Variants in SESN3 observed in about 807,000 individuals in gnomAD.
SESN3 encodes the protein sestrin 3.
Under a neutral mutation model 55.3 loss-of-function variants are expected in SESN3, and 21 were observed. That is an observed-to-expected ratio of 0.38 (90% CI 0.27 to 0.55). The LOEUF (loss-of-function observed/expected upper bound fraction) is 0.55, where lower values mean the gene tolerates loss of function less well. Among genes scored for constraint, SESN3 ranks in the 20% least tolerant of loss-of-function variants. The pLI, the probability that SESN3 is intolerant of heterozygous loss-of-function variation, is 0.76. For synonymous variants in SESN3, 181 were observed against 203.1 expected, an observed-to-expected ratio of 0.89 and a Z score of 0.93; for missense variants, 408 against 604.3, an observed-to-expected ratio of 0.68 and a Z score of 3.41.
At chr11:95,184,164 T>C in intron 6 of SESN3, 1 of 462,404 alleles carries the variant, frequency 2.2e-6, no homozygotes, top group South Asian at 5.3e-5. Flanking sequence ...AAGTAACTGA[T>C]CTGCTTTAAA....
rs751156279 is a variant in SESN3, at chr11:95,191,451, T to C, written c.295A>G (p.Met99Val). 3 of 1,613,082 alleles carry C rather than the reference T, an allele frequency of 1.9e-6. No individual in the cohort carries two copies. The highest frequency in any genetic ancestry group is 3.3e-5 in the Admixed American group (2 of 59,876). Residue 99 changes from methionine to valine, a missense_variant, in exon 3 of 10, where the codon ATG becomes GTG. This residue lies in a region of SESN3 where 107 missense variants were observed against 211.3 expected (regional missense o/e 0.51). Coordinates refer to ENST00000536441, the MANE Select transcript of SESN3 (RefSeq NM_144665.4). Reference sequence around the variant, plus strand: ...TATGGTAGAGGAAGGGGACCATCCATGCGCAACATGTAAAACTGGCTCCGC... The same window carrying C: ...TATGGTAGAGGAAGGGGACCATCCACGCGCAACATGTAAAACTGGCTCCGC... Reference protein sequence around the residue: ...FLRSQFYMLRMDGPLPLPYRH... With the variant: ...FLRSQFYMLRVDGPLPLPYRH...
chr11:95,188,379 C>A (rs1244434872), intron 4 of SESN3, among the ~76,000 whole-genome samples: 1 of 151,766 alleles, frequency 6.6e-6, no homozygotes, highest in Non-Finnish European at 1.5e-5. Context: ...CACACATACA[C>A]AAATATTCTG....
Position 95,166,411 on chromosome 11 carries a change from T to C in SESN3, c.*6844A>G, listed in dbSNP as rs956884134. The C allele has an allele frequency of 1.3e-5, 2 of 152,170 alleles. No homozygotes were observed. Among genetic ancestry groups the C allele is most frequent in the Non-Finnish European group, 2.9e-5 (2 of 68,014 alleles). The allele number at this position is 152,170 out of a possible 1,614,324, so 9.4% of individuals were successfully genotyped here. On this transcript the variant is annotated 3_prime_UTR_variant, in exon 10 of 10. Transcript: ENST00000536441. ...ATGAATTAAAGAGCTATAACAGACA[T>C]TTCACAGCATGCTACATATATCGCT...
In SESN3 at chr11:95,175,600, T is replaced by C; in HGVS notation, c.1290A>G (p.Glu430=). 1 of 1,613,250 alleles carries C rather than the reference T, an allele frequency of 6.2e-7. No homozygotes were observed. The highest frequency in any genetic ancestry group is 1.1e-5 in the South Asian group (1 of 91,068). ...YDYGEVNQLL[E]RSLKVYIKTV... ...TCTTAATGTAAACCTTCAGGCTTCT[T>C]TCAAGTAATTGATTAACTTCTCCAT... Residue 430 remains glutamate, a synonymous_variant, in exon 9 of 10, where the codon GAA becomes GAG. Transcript: ENST00000536441.
chr11:95,173,373 C>G, intron 9 of SESN3, 32 bp from the exon 10 acceptor site: 1 of 1,382,976 alleles, frequency 7.2e-7, no homozygotes, highest in Non-Finnish European at 1.0e-6. Context: ...GTTTAGTAAC[C>G]ATTATAAACA....
intron 1 of SESN3, among the ~76,000 whole-genome samples, chr11:95,220,733 A>T: frequency 6.6e-6 from 1 of 152,230 alleles, no homozygotes; most frequent in East Asian, 1.9e-4. Flanking sequence ...GAAATATAAG[A>T]CAAGGCAGTG....
At chr11:95,190,127 C>G (rs2134233866) in intron 3 of SESN3, among the ~76,000 whole-genome samples, 166 bp from the exon 4 acceptor site, 1 of 151,990 alleles carries the variant, frequency 6.6e-6, no homozygotes, top group African/African-American at 2.4e-5. Flanking sequence ...GTAATAGATT[C>G]AATACATGAA....
chr11:95,204,061 A>G (rs949278842), intron 1 of SESN3: 1 of 152,214 alleles, frequency 6.6e-6, no homozygotes, highest in African/African-American at 2.4e-5. Context: ...ATATGTCCTT[A>G]TATTTTAGAA....
chr11:95,190,869 A>C (rs1429933571), intron 3 of SESN3, among the ~76,000 whole-genome samples: 1 of 151,946 alleles, frequency 6.6e-6, no homozygotes. Context: ...AAACTTTATA[A>C]TTCTCCTCTC....
At chr11:95,206,699 G>C (rs1860555069) in intron 1 of SESN3, among the ~76,000 whole-genome samples, 1 of 151,844 alleles carries the variant, frequency 6.6e-6, no homozygotes, top group African/African-American at 2.4e-5. Context: ...AACAGGATTT[G>C]TTATCCTTAG....
chr11:95,181,486 C>T (rs1402149407), intron 6 of SESN3, among the ~76,000 whole-genome samples: 1 of 152,034 alleles, frequency 6.6e-6, no homozygotes, highest in Non-Finnish European at 1.5e-5. Flanking sequence ...TTAATTCTAT[C>T]TAAACAAATA....
At chr11:95,215,610 G>A (rs1387775589) in intron 1 of SESN3, among the ~76,000 whole-genome samples, 2 of 152,094 alleles carry the variant, frequency 1.3e-5, no homozygotes, top group African/African-American at 4.8e-5. Context: ...TAAACGGTCT[G>A]TGTCCCCTAT....
chr11:95,227,291 C>T (rs747663969), intron 1 of SESN3, among the ~76,000 whole-genome samples: 7 of 152,056 alleles, frequency 4.6e-5, no homozygotes, highest in Middle Eastern at 3.4e-3. Flanking sequence ...CCACAACCTC[C>T]GCCTCCCAGG....
At chr11:95,220,400 C>G (rs1860837248) in intron 1 of SESN3, among the ~76,000 whole-genome samples, 1 of 151,688 alleles carries the variant, frequency 6.6e-6, no homozygotes, top group Admixed American at 6.6e-5. Flanking sequence ...TAATTAATGA[C>G]TGGTTGGCAG....
chr11:95,231,181 C>A lies in SESN3; in HGVS notation c.-321G>T. On this transcript the variant is annotated 5_prime_UTR_variant, in exon 1 of 10. Transcript: ENST00000536441. ...CCGCCACCGCTGCCACCGCCACCAC[C>A]GCCGCCGCAGCGCCTCAGTGCGGCC... 2.4e-6 allele frequency: 1 copy of A among 420,034 alleles called. No individual in the cohort carries two copies. The highest frequency in any genetic ancestry group is 4.1e-6 in the Non-Finnish European group (1 of 240,998). The allele number at this position is 420,034 out of a possible 1,614,324, so 26.0% of individuals were successfully genotyped here. A position where few individuals can be genotyped will look rare whatever the true frequency, so the allele number is the denominator to read the frequency against.
intron 1 of SESN3, among the ~76,000 whole-genome samples, chr11:95,222,647 T>A (rs544017024): frequency 6.6e-6 from 1 of 152,228 alleles, no homozygotes; most frequent in South Asian, 2.1e-4. Flanking sequence ...TATGTAATTG[T>A]TAATTATAAT....
intron 4 of SESN3, among the ~76,000 whole-genome samples, chr11:95,187,026 G>T (rs534560072): frequency 6.3e-4 from 95 of 151,706 alleles, no homozygotes; most frequent in African/African-American, 2.2e-3. Context: ...TTTCAAATTT[G>T]ACATTTTGAC....
At chr11:95,219,831 C>T (rs1003094519) in intron 1 of SESN3, among the ~76,000 whole-genome samples, 4 of 151,980 alleles carry the variant, frequency 2.6e-5, no homozygotes, top group Middle Eastern at 3.4e-3. Flanking sequence ...TCTAGTGAAG[C>T]GGTTACTTGA....
At chr11:95,199,562 A>G (rs965426366) in intron 1 of SESN3, among the ~76,000 whole-genome samples, 3 of 152,220 alleles carry the variant, frequency 2.0e-5, no homozygotes, top group African/African-American at 7.2e-5. Context: ...AGATACTTGT[A>G]TTTGGAAGTT....
Sources: allele counts gnomAD v4.1 joint callset (sites outside exome capture counted in the v4.1 genomes callset), GRCh38; gene constraint gnomAD v4.1.1; regional missense constraint gnomAD v4.1.1; transcripts MANE v1.5; gene names NCBI Gene and HGNC (gene_info 2026-07-23, HGNC 2026-07-21).